FHOD3: variants seen among roughly 807,000 people sequenced by gnomAD.
The protein encoded by FHOD3 is formin homology 2 domain containing 3, also known as FH1/FH2 domain-containing protein 3.
A neutral mutation model predicts 173.0 loss-of-function variants in FHOD3; 90 were observed. That is an observed-to-expected ratio of 0.52 (90% CI 0.44 to 0.62). The LOEUF (loss-of-function observed/expected upper bound fraction) is 0.62, where lower values mean the gene tolerates loss of function less well. Ranked by LOEUF, FHOD3 falls within the 20% of genes least tolerant of loss-of-function variation. The pLI, the probability that FHOD3 is intolerant of heterozygous loss-of-function variation, is 0.00. For missense variants in FHOD3, 1,945 were observed against 2,034.7 expected (o/e 0.96, Z 0.85); for synonymous variants, 828 against 823.0 (o/e 1.01, Z -0.10).
At chr18:36,540,491 C>T (rs556203556) in intron 5 of FHOD3, among the ~76,000 whole-genome samples, 1 of 152,272 alleles carries the variant, frequency 6.6e-6, no homozygotes, top group East Asian at 1.9e-4. Context: ...CCAAATGCCA[C>T]TTAGCACTCC....
intron 3 of FHOD3, among the ~76,000 whole-genome samples, chr18:36,402,649 C>T (rs1039799104): frequency 1.3e-5 from 2 of 152,078 alleles, no homozygotes; most frequent in Admixed American, 6.5e-5. Flanking sequence ...TAGTCCAGTG[C>T]TCTTTCCCTG....
rs562546079 is a variant in FHOD3, at chr18:36,509,447, A to T, written c.406-2991A>T. 2.9e-5 allele frequency among the ~76,000 whole-genome samples: 4 copies of T among 137,804 alleles called. No individual in the cohort carries two copies. The South Asian group carries it at 9.0e-4, about 31-fold the overall frequency. 90.4% of individuals were successfully genotyped at this position (137,804 alleles called of 152,430 possible). Reference sequence around the variant, plus strand: ...ATCTCAAAAAAAAAAAAAAAGAAAAAAAAAAGAAAACAGTATTTATGAGAC... The same window carrying T: ...ATCTCAAAAAAAAAAAAAAAGAAAATAAAAAGAAAACAGTATTTATGAGAC... On this transcript the variant is annotated intron_variant, in intron 4 of 28. Coordinates refer to ENST00000590592, the MANE Select transcript of FHOD3 (RefSeq NM_001281740.3).
At chr18:36,516,445 C>T (rs942367678) in intron 5 of FHOD3, among the ~76,000 whole-genome samples, 1 of 152,096 alleles carries the variant, frequency 6.6e-6, no homozygotes, top group Non-Finnish European at 1.5e-5. Flanking sequence ...GGATTGGCCC[C>T]GAAGCTCAGA....
chr18:36,362,529 G>A (rs1359916733), intron 2 of FHOD3, among the ~76,000 whole-genome samples: 2 of 152,202 alleles, frequency 1.3e-5, no homozygotes, highest in African/African-American at 2.4e-5. Flanking sequence ...GAGAAATGTT[G>A]GCTGGGGACC....
chr18:36,428,810 C>T (rs186918163), intron 3 of FHOD3, among the ~76,000 whole-genome samples: 163 of 152,230 alleles, frequency 1.1e-3, no homozygotes, highest in Admixed American at 3.6e-3. Context: ...TTGATTGGTC[C>T]CCTTAGGTCA....
intron 1 of FHOD3, among the ~76,000 whole-genome samples, chr18:36,318,628 T>TG (rs1272112347): frequency 6.6e-6 from 1 of 152,224 alleles, no homozygotes; most frequent in Non-Finnish European, 1.5e-5. Context: ...GATTTTGGGC[T>TG]GAGATGATGG....
chr18:36,764,206 G>C (rs2043044056), intron 27 of FHOD3, among the ~76,000 whole-genome samples: 1 of 152,188 alleles, frequency 6.6e-6, no homozygotes, highest in Non-Finnish European at 1.5e-5. Context: ...GAAAGAAGAG[G>C]AGAGAAGAAG....
At chr18:36,533,811 G>A (rs193208754) in intron 5 of FHOD3, among the ~76,000 whole-genome samples, 25 of 152,296 alleles carry the variant, frequency 1.6e-4, no homozygotes, top group African/African-American at 6.0e-4. Context: ...TTTGAGGACA[G>A]GAGTAGGGAA....
chr18:36,390,036 C>G (rs2048220746), intron 3 of FHOD3, among the ~76,000 whole-genome samples: 1 of 152,220 alleles, frequency 6.6e-6, no homozygotes, highest in South Asian at 2.1e-4. Flanking sequence ...GTTTTCCCAT[C>G]TGCTTCTAAT....
At chr18:36,651,388 G>A (rs1411024493) in intron 11 of FHOD3, among the ~76,000 whole-genome samples, 2 of 151,904 alleles carry the variant, frequency 1.3e-5, no homozygotes, top group Non-Finnish European at 2.9e-5. Flanking sequence ...AATATCCAAG[G>A]GTCTAAACCC....
intron 7 of FHOD3, among the ~76,000 whole-genome samples, chr18:36,599,478 C>T (rs181225449): frequency 2.0e-5 from 3 of 152,324 alleles, no homozygotes; most frequent in Admixed American, 2.0e-4. Flanking sequence ...TACAGGTTGA[C>T]AGAACTCAAA....
chr18:36,441,617 T>C (rs1307786524), intron 3 of FHOD3, among the ~76,000 whole-genome samples: 1 of 152,210 alleles, frequency 6.6e-6, no homozygotes, highest in African/African-American at 2.4e-5. Flanking sequence ...GTAGGCTCCT[T>C]CTTATTTTTA....
intron 1 of FHOD3, among the ~76,000 whole-genome samples, chr18:36,343,245 G>T (rs998727611): frequency 3.9e-5 from 6 of 152,030 alleles, no homozygotes; most frequent in African/African-American, 1.4e-4. Flanking sequence ...GCCAAAAAGT[G>T]GAAACAATCC....
rs1396817855 is a variant in FHOD3, at chr18:36,702,573, C to A, written c.2237-6522C>A. Among the ~76,000 whole-genome samples, 12 of 152,206 alleles carry A rather than the reference C, an allele frequency of 7.9e-5. No individual in the cohort carries two copies. The East Asian group carries it at 2.3e-3, about 29-fold the overall frequency. On this transcript the variant is annotated intron_variant, in intron 17 of 28. Transcript: ENST00000590592. ...GCAACTATTATAGAACTGGCTGGCC[C>A]AGCCCTTGGTTTCATAAGACCTGCC...
At chr18:36,338,549 G>C (rs1464473712) in intron 1 of FHOD3, among the ~76,000 whole-genome samples, 8 of 152,198 alleles carry the variant, frequency 5.3e-5, no homozygotes, top group Non-Finnish European at 1.2e-4. Flanking sequence ...TCACAGCTGT[G>C]ATAGATAACA....
At chr18:36,481,496 C>G (rs1414158654) in intron 3 of FHOD3, among the ~76,000 whole-genome samples, 1 of 151,422 alleles carries the variant, frequency 6.6e-6, no homozygotes, top group African/African-American at 2.4e-5. Flanking sequence ...CCCTTCTTCC[C>G]ACTTTCTCTT....
intron 9 of FHOD3, among the ~76,000 whole-genome samples, chr18:36,612,842 G>A (rs891115539): frequency 3.9e-5 from 6 of 152,128 alleles, no homozygotes; most frequent in African/African-American, 7.2e-5. Flanking sequence ...GAAACAGTAC[G>A]AAACCGACTG....
At chr18:36,529,387 G>A (rs769763593) in intron 5 of FHOD3, among the ~76,000 whole-genome samples, 2 of 152,180 alleles carry the variant, frequency 1.3e-5, no homozygotes, top group Non-Finnish European at 2.9e-5. Context: ...GTCTCCTTGA[G>A]TAACTTCATA....
chr18:36,391,723 G>A (rs759799655), intron 3 of FHOD3, among the ~76,000 whole-genome samples: 1 of 152,126 alleles, frequency 6.6e-6, no homozygotes, highest in Admixed American at 6.5e-5. Flanking sequence ...GTTGGTCATC[G>A]TGTGCACACC....
Sources: allele counts gnomAD v4.1 joint callset (sites outside exome capture counted in the v4.1 genomes callset), GRCh38; gene constraint gnomAD v4.1.1; transcripts MANE v1.5; gene names NCBI Gene and HGNC (gene_info 2026-07-23, HGNC 2026-07-21).